Variants in CCDC191 observed in about 807,000 individuals in gnomAD.
CCDC191 encodes the protein coiled-coil domain-containing protein 191.
A neutral mutation model predicts 114.0 loss-of-function variants in CCDC191; 99 were observed. The ratio of observed to expected loss-of-function variants is 0.87; its 90% CI spans 0.74 to 1.03. CCDC191 has a LOEUF of 1.03. Among genes scored for constraint, CCDC191 ranks in the 50% least tolerant of loss-of-function variants. The probability of loss-of-function intolerance (pLI) is 0.00; values close to 1 mark genes in which losing one functional copy is unlikely to be tolerated. For missense variants in CCDC191, 973 were observed against 1,087.0 expected, an observed-to-expected ratio of 0.90 and a Z score of 1.47; for synonymous variants, 351 against 376.0, an observed-to-expected ratio of 0.93 and a Z score of 0.77.
At chr3:114,046,324 C>A (rs186262398) in intron 3 of CCDC191, among the ~76,000 whole-genome samples, 4 of 152,308 alleles carry the variant, frequency 2.6e-5, no homozygotes, top group Admixed American at 2.6e-4. Context: ...ATCTTTGTCA[C>A]AGGACTAATA....
intron 13 of CCDC191, among the ~76,000 whole-genome samples, chr3:113,985,794 G>T (rs752937962): frequency 9.2e-5 from 14 of 152,144 alleles, no homozygotes; most frequent in Non-Finnish European, 1.9e-4. Context: ...CCTCAACAAT[G>T]GTGACCACGG....
Position 113,980,653 on chromosome 3 carries a change from G to A in CCDC191, c.2304C>T (p.Ile768=). ...KRLRMQSKQN[I]QVAEEHYSLF... is the part of the protein sequence containing the mutation. ...GGATAACAGTGGGACAGTGTACCTG[G>A]ATGTTTTGTTTGCTTTGCATTCTCA... The change falls in exon 14 of 17, where the codon ATC becomes ATT. Residue 768 remains isoleucine (I), a synonymous_variant. Transcript: ENST00000295878. The A allele has an allele frequency of 6.3e-7, 1 of 1,588,646 alleles. No homozygotes were observed. Among genetic ancestry groups the A allele is most frequent in the Non-Finnish European group, 8.5e-7 (1 of 1,173,094 alleles).
intron 13 of CCDC191, among the ~76,000 whole-genome samples, chr3:113,983,285 C>T (rs1232533695): frequency 6.6e-6 from 1 of 152,184 alleles, no homozygotes; most frequent in Non-Finnish European, 1.5e-5. Flanking sequence ...GTCCTTAGGA[C>T]TTGATCTTGG....
At chr3:114,038,293 A>ATAAC (rs1419954554) in intron 4 of CCDC191, among the ~76,000 whole-genome samples, 2 of 152,226 alleles carry the variant, frequency 1.3e-5, no homozygotes, top group African/African-American at 4.8e-5. Flanking sequence ...CATGTGTCAA[A>ATAAC]TAACAACATT....
At chr3:113,967,107 GAAAAAAAGAAAAAA>G in intron 16 of CCDC191, among the ~76,000 whole-genome samples, 1 of 64,210 alleles carries the variant, frequency 1.6e-5, no homozygotes, top group Non-Finnish European at 4.7e-5. Context: ...CTCAAAAAAA[GAAAAAAAGAAAAAA>G]AGAAAAAGGC....
intron 7 of CCDC191, among the ~76,000 whole-genome samples, chr3:114,023,841 C>A (rs965182732): frequency 9.9e-4 from 150 of 151,844 alleles, no homozygotes; most frequent in African/African-American, 3.3e-3. Flanking sequence ...GCAACAAAAG[C>A]CAAAATTGAC....
At position 113,972,316 on chromosome 3, in the gene CCDC191, C is replaced by G. The variant is rs192290478; in HGVS notation, c.2606+5870G>C. Among the ~76,000 whole-genome samples, 3 of 151,960 alleles carry G rather than the reference C, an allele frequency of 2.0e-5. No homozygotes were observed. The East Asian group carries it at 5.8e-4, about 29-fold the overall frequency. ...GTTTCAAGAAATTTTTAAATTTTTTCTTAATTTCTTCATTGACCCATTGGT... is the reference window on the plus strand; with the variant it reads ...GTTTCAAGAAATTTTTAAATTTTTTGTTAATTTCTTCATTGACCCATTGGT... On this transcript the variant is annotated intron_variant, in intron 16 of 16. Transcript: ENST00000295878.
At chr3:113,995,482 C>A (rs1445422344) in intron 13 of CCDC191, among the ~76,000 whole-genome samples, 1 of 152,016 alleles carries the variant, frequency 6.6e-6, no homozygotes, top group Non-Finnish European at 1.5e-5. Flanking sequence ...ATGGAATGTA[C>A]CCTGTGACAA....
chr3:114,042,596 A>C, intron 4 of CCDC191, 107 bp downstream of exon 4: 1 of 915,398 alleles, frequency 1.1e-6, no homozygotes, highest in Non-Finnish European at 1.5e-6. Context: ...AACTAAAAAA[A>C]ACACAGAAAA....
chr3:114,044,847 T>A (rs2076608098), intron 3 of CCDC191, among the ~76,000 whole-genome samples: 3 of 152,206 alleles, frequency 2.0e-5, no homozygotes, highest in Admixed American at 2.0e-4. Flanking sequence ...TTAGACCACA[T>A]GAGAAGTATA....
At chr3:114,016,427 A>G (rs2076159201) in intron 8 of CCDC191, among the ~76,000 whole-genome samples, 2 of 152,164 alleles carry the variant, frequency 1.3e-5, no homozygotes, top group African/African-American at 4.8e-5. Flanking sequence ...ACCTTGAGTC[A>G]TTTACTGTCT....
chr3:113,987,143 A>C (rs1263456616), intron 13 of CCDC191, among the ~76,000 whole-genome samples: 1 of 136,850 alleles, frequency 7.3e-6, no homozygotes, highest in African/African-American at 2.7e-5. Context: ...AAAAAAAAAA[A>C]CACCTGTCAA....
In CCDC191 at chr3:114,028,410, C is replaced by T. The variant is rs778118907; in HGVS notation, c.972+3216G>A. On this transcript the variant is annotated intron_variant, in intron 7 of 16. Transcript: ENST00000295878. Reference sequence around the variant, plus strand: ...ACGCCATTCTCCTGCCTCAGCCTCCCGAGTAGCTGGGACTACAGGCGCCCG... The same window carrying T: ...ACGCCATTCTCCTGCCTCAGCCTCCTGAGTAGCTGGGACTACAGGCGCCCG... 4.4e-4 allele frequency among the ~76,000 whole-genome samples: 66 copies of T among 151,542 alleles called. 1 individual carries two copies. Among genetic ancestry groups the T allele is most frequent in the Admixed American group, 4.1e-3 (62 of 15,218 alleles).
chr3:114,050,984 A>G (rs1482197814), intron 2 of CCDC191, among the ~76,000 whole-genome samples: 1 of 152,088 alleles, frequency 6.6e-6, no homozygotes, highest in Non-Finnish European at 1.5e-5. Flanking sequence ...CATCTACCTG[A>G]TTCTAGGTGA....
chr3:114,038,469 G>A (rs989610207), intron 4 of CCDC191, among the ~76,000 whole-genome samples: 3 of 152,148 alleles, frequency 2.0e-5, no homozygotes, highest in African/African-American at 7.2e-5. Flanking sequence ...ACTAACAGTC[G>A]TATAAAAGTA....
chr3:113,987,106 G>GT (rs2075388741), intron 13 of CCDC191, among the ~76,000 whole-genome samples: 1 of 139,986 alleles, frequency 7.1e-6, no homozygotes, highest in Non-Finnish European at 1.5e-5. Flanking sequence ...AAACAATAGA[G>GT]TAACATCATT....
chr3:114,023,121 T>A (rs188804967), intron 7 of CCDC191, among the ~76,000 whole-genome samples: 23 of 152,192 alleles, frequency 1.5e-4, no homozygotes, highest in Admixed American at 1.4e-3. Flanking sequence ...TCAAAGAGAA[T>A]AAAATACCTA....
chr3:114,001,792 C>T, intron 12 of CCDC191, 96 bp from the exon 13 acceptor site: 1 of 1,444,830 alleles, frequency 6.9e-7, no homozygotes, highest in African/African-American at 1.4e-5. Context: ...ACCAAAGTGC[C>T]TGTCCTATCT....
intron 4 of CCDC191, among the ~76,000 whole-genome samples, chr3:114,042,447 G>C (rs1427021461): frequency 3.9e-5 from 6 of 152,068 alleles, no homozygotes; most frequent in Non-Finnish European, 8.8e-5. Flanking sequence ...GGGGGCCAGG[G>C]GGTCCTGGAA....
Sources: allele counts gnomAD v4.1 joint callset (sites outside exome capture counted in the v4.1 genomes callset), GRCh38; gene constraint gnomAD v4.1.1; transcripts MANE v1.5; gene names NCBI Gene and HGNC (gene_info 2026-07-23, HGNC 2026-07-21).